NLGN1: variants seen among roughly 807,000 people sequenced by gnomAD.
NLGN1 encodes the protein neuroligin 1, also known as neuroligin-1.
Under a neutral mutation model 65.5 loss-of-function variants are expected in NLGN1, and 12 were observed. The ratio of observed to expected loss-of-function variants is 0.18; its 90% CI spans 0.12 to 0.30. The LOEUF is 0.30. Ranked by LOEUF, NLGN1 falls within the 10% of genes least tolerant of loss-of-function variation. The pLI is 1.00. For missense variants in NLGN1, 750 were observed against 1,007.1 expected (o/e 0.74, Z 3.46); for synonymous variants, 350 against 359.5 (o/e 0.97, Z 0.30).
chr3:173,721,429 A>G (rs1474861163), intron 3 of NLGN1, among the ~76,000 whole-genome samples: 1 of 152,216 alleles, frequency 6.6e-6, no homozygotes, highest in Non-Finnish European at 1.5e-5. Flanking sequence ...AACGCTATAG[A>G]TTTTGTTGCA....
At chr3:174,001,167 A>C (rs1201882756) in intron 4 of NLGN1, among the ~76,000 whole-genome samples, 1 of 152,180 alleles carries the variant, frequency 6.6e-6, no homozygotes, top group African/African-American at 2.4e-5. Flanking sequence ...TGAGAGCAAA[A>C]TTGAAATGGG....
At chr3:174,029,838 T>G (rs1316166020) in intron 4 of NLGN1, among the ~76,000 whole-genome samples, 1 of 152,176 alleles carries the variant, frequency 6.6e-6, no homozygotes, top group Non-Finnish European at 1.5e-5. Context: ...GCACAAGCTA[T>G]CTTGCCTACC....
At chr3:173,927,767 A>ACATG (rs1743284009) in intron 4 of NLGN1, among the ~76,000 whole-genome samples, 3 of 151,994 alleles carry the variant, frequency 2.0e-5, no homozygotes, top group South Asian at 4.2e-4. Context: ...AAACACACAT[A>ACATG]CATACATACA....
At chr3:173,963,044 A>G (rs1310109487) in intron 4 of NLGN1, among the ~76,000 whole-genome samples, 1 of 152,182 alleles carries the variant, frequency 6.6e-6, no homozygotes, top group Admixed American at 6.5e-5. Context: ...TAATAAAAAT[A>G]ATAATTCCAA....
At chr3:173,599,898 C>T (rs958050602) in intron 2 of NLGN1, among the ~76,000 whole-genome samples, 1 of 152,050 alleles carries the variant, frequency 6.6e-6, no homozygotes, top group Non-Finnish European at 1.5e-5. Flanking sequence ...TGAAGTCAAA[C>T]AAGGCATTGC....
chr3:173,794,157 C>T (rs926483154), intron 3 of NLGN1, among the ~76,000 whole-genome samples: 3 of 152,224 alleles, frequency 2.0e-5, no homozygotes, highest in African/African-American at 7.2e-5. Flanking sequence ...AGCCCTCAGG[C>T]CACATTACAC....
chr3:173,943,447 A>G (rs1746517935), intron 4 of NLGN1, among the ~76,000 whole-genome samples: 1 of 152,172 alleles, frequency 6.6e-6, no homozygotes, highest in South Asian at 2.1e-4. Flanking sequence ...AAGTGAGTTC[A>G]GGAAAGCACC....
At chr3:173,803,996 C>T (rs1035454763) in intron 3 of NLGN1, among the ~76,000 whole-genome samples, 11 of 152,112 alleles carry the variant, frequency 7.2e-5, no homozygotes, top group Non-Finnish European at 1.2e-4. Context: ...TCACTAAGAT[C>T]ATTAATGGAA....
intron 2 of NLGN1, among the ~76,000 whole-genome samples, chr3:173,539,879 T>G (rs940986575): frequency 1.6e-5 from 1 of 61,234 alleles, no homozygotes; most frequent in African/African-American, 3.6e-5. Flanking sequence ...ATATATCTTA[T>G]ATATATGTTA....
At chr3:173,432,077 G>A (rs957713821) in intron 1 of NLGN1, among the ~76,000 whole-genome samples, 89 of 152,034 alleles carry the variant, frequency 5.9e-4, no homozygotes, top group African/African-American at 2.1e-3. Context: ...TCTTTTTAGT[G>A]CTAAATAATA....
intron 2 of NLGN1, among the ~76,000 whole-genome samples, chr3:173,460,461 A>G (rs1001897043): frequency 1.3e-5 from 2 of 152,126 alleles, no homozygotes; most frequent in Non-Finnish European, 2.9e-5. Flanking sequence ...TTCTTCCCAT[A>G]ATAGTTCAAC....
chr3:173,590,984 C>T (rs1043706873), intron 2 of NLGN1, among the ~76,000 whole-genome samples: 13 of 152,054 alleles, frequency 8.5e-5, no homozygotes, highest in Admixed American at 2.0e-4. Context: ...TCTCAGGGAA[C>T]GTTGGAATTA....
intron 3 of NLGN1, among the ~76,000 whole-genome samples, chr3:173,725,484 A>G (rs1324234437): frequency 6.6e-6 from 1 of 152,162 alleles, no homozygotes; most frequent in African/African-American, 2.4e-5. Context: ...TGCTCAACAA[A>G]TGTTAGTTTG....
chr3:174,166,134 C>G (rs1176514549), intron 4 of NLGN1, among the ~76,000 whole-genome samples: 2 of 151,678 alleles, frequency 1.3e-5, no homozygotes, highest in Non-Finnish European at 2.9e-5. Context: ...CTTATTTATC[C>G]TTTCAAAGAA....
intron 4 of NLGN1, among the ~76,000 whole-genome samples, chr3:173,966,156 A>G (rs1372492776): frequency 1.3e-5 from 2 of 152,194 alleles, no homozygotes; most frequent in Non-Finnish European, 2.9e-5. Context: ...TTCTGTAACA[A>G]TAGAGCCAAT....
chr3:173,467,175 T>C (rs1724508538), intron 2 of NLGN1, among the ~76,000 whole-genome samples: 1 of 152,156 alleles, frequency 6.6e-6, no homozygotes, highest in Non-Finnish European at 1.5e-5. Context: ...ATATGTTACA[T>C]GAATTTATTT....
chr3:173,620,925 T>C (rs1753890663), intron 3 of NLGN1, among the ~76,000 whole-genome samples: 1 of 152,190 alleles, frequency 6.6e-6, no homozygotes, highest in African/African-American at 2.4e-5. Flanking sequence ...GTGCATAATC[T>C]ATGCAGATTT....
At position 174,144,089 on chromosome 3, in the gene NLGN1, C is replaced by T. The variant is rs75169261; in HGVS notation, c.647-131226C>T. ...TAGCCTCCCACCCTCTGACATGCCA[C>T]AGTGTGTGATGTTCCCCTCCCTGTG... On this transcript the variant is annotated intron_variant, in intron 4 of 6. Coordinates refer to ENST00000457714, the Ensembl canonical transcript of NLGN1. Among the ~76,000 whole-genome samples the T allele has an allele frequency of 6.4e-3, 979 of 152,242 alleles. 12 individuals carry two copies. The highest frequency in any genetic ancestry group is 0.022 in the African/African-American group (920 of 41,538).
intron 2 of NLGN1, chr3:173,584,709 C>G (rs1274149806): frequency 6.7e-6 from 1 of 149,440 alleles, no homozygotes; most frequent in African/African-American, 2.5e-5. Context: ...CCCCAGGATT[C>G]TGGATCGTGG....
Sources: gnomAD v4.1 joint callset for allele counts (sites outside exome capture counted in the v4.1 genomes callset) on GRCh38, gnomAD v4.1.1 for gene constraint, MANE v1.5 for transcripts, NCBI Gene and HGNC (gene_info 2026-07-23, HGNC 2026-07-21) for gene names.